The following SATL1 variants were observed in gnomAD, a reference collection of about 807,000 sequenced individuals.
SATL1 encodes spermidine/spermine N(1)-acetyltransferase-like protein 1.
In SATL1, 47 loss-of-function variants were observed where a neutral mutation model predicts 51.8. That is an observed-to-expected ratio of 0.91 (90% CI 0.72 to 1.16). SATL1 has a LOEUF of 1.16. Among genes scored for constraint, SATL1 ranks in the 50% most tolerant of loss-of-function variants. The pLI is 0.00. For missense variants in SATL1, 520 were observed against 526.4 expected, an observed-to-expected ratio of 0.99 and a Z score of 0.12; for synonymous variants, 176 against 182.4, an observed-to-expected ratio of 0.97 and a Z score of 0.28.
intron 2 of SATL1, among the ~76,000 whole-genome samples, chrX:85,131,037 T>C (rs774265416): frequency 2.9e-4 from 32 of 112,209 alleles, no homozygotes; most frequent in African/African-American, 9.4e-4. Context: ...CCTTTTCTTT[T>C]ACATTTGCTG....
At chrX:85,182,331 G>C (rs923627487) in intron 2 of SATL1, among the ~76,000 whole-genome samples, 1 of 111,320 alleles carries the variant, frequency 9.0e-6, no homozygotes. Context: ...ATATAAGTGA[G>C]AACATGCACT....
At chrX:85,115,069 A>AAT (rs1925351367) in intron 2 of SATL1, among the ~76,000 whole-genome samples, 1 of 111,870 alleles carries the variant, frequency 8.9e-6, no homozygotes, top group East Asian at 2.8e-4. Flanking sequence ...AATGGAGGCT[A>AAT]CAGGAGGAAG....
chrX:85,109,517 C>T (rs1925206999), intron 2 of SATL1, among the ~76,000 whole-genome samples: 1 of 111,101 alleles, frequency 9.0e-6, no homozygotes, highest in African/African-American at 3.3e-5. Flanking sequence ...AGTCTCAGAG[C>T]TTATGCTTGG....
At chrX:85,135,182 C>T (rs5923269) in intron 2 of SATL1, among the ~76,000 whole-genome samples, 50,779 of 108,832 alleles carry the variant, frequency 0.47, 10,495 homozygotes, top group Middle Eastern at 0.64. Context: ...CGGTGGGGGA[C>T]GGGGGTAGGG....
At position 85,206,935 on chromosome X, in the gene SATL1, T is replaced by A. The variant is rs1343867814; in HGVS notation, c.-313+17270A>T. 5.4e-5 allele frequency among the ~76,000 whole-genome samples: 6 copies of A among 111,389 alleles called. No homozygotes were observed. In the Admixed American group the frequency reaches 5.8e-4, roughly 11 times the overall value. ...GTTTATTCACAGCAGAGTGTATTAA[T>A]ACAGAGGCAGATAGGTTGGTAAATT... On this transcript the variant is annotated intron_variant, in intron 2 of 7. Coordinates refer to ENST00000644105, the MANE Select transcript of SATL1 (RefSeq NM_001367857.2).
intron 2 of SATL1, among the ~76,000 whole-genome samples, chrX:85,161,482 A>T (rs775775217): frequency 2.6e-4 from 26 of 101,511 alleles, no homozygotes; most frequent in Admixed American, 1.6e-3. Flanking sequence ...AAGCAAATAA[A>T]AAAAAAAAAA....
chrX:85,211,907 G>A (rs1289963612), intron 2 of SATL1: 1 of 111,588 alleles, frequency 9.0e-6, no homozygotes, highest in Non-Finnish European at 1.9e-5. Context: ...GATATTTAAA[G>A]ATTAGAATGT....
intron 2 of SATL1, among the ~76,000 whole-genome samples, chrX:85,134,407 CA>C (rs1354217415): frequency 6.3e-5 from 7 of 111,545 alleles, no homozygotes; most frequent in African/African-American, 2.3e-4. Context: ...ACCATTCATT[CA>C]AAAAATTTGA....
At chrX:85,114,085 A>G (rs2147696729) in intron 2 of SATL1, among the ~76,000 whole-genome samples, 1 of 112,153 alleles carries the variant, frequency 8.9e-6, no homozygotes, top group African/African-American at 3.2e-5. Context: ...AGTGGCTCTA[A>G]TTTTGTCCCA....
At chrX:85,096,678 A>G (rs764511202) in intron 4 of SATL1, among the ~76,000 whole-genome samples, 80 of 111,110 alleles carry the variant, frequency 7.2e-4, no homozygotes, top group African/African-American at 2.4e-3. Context: ...GGGATCCTCA[A>G]TTAGATTACC....
At chrX:85,202,867 G>C (rs1602909235) in intron 2 of SATL1, among the ~76,000 whole-genome samples, 2 of 111,560 alleles carry the variant, frequency 1.8e-5, no homozygotes, top group African/African-American at 6.5e-5. Flanking sequence ...TTAGTCCAAG[G>C]GTGGCAAGGG....
chrX:85,161,780 C>T (rs1336127801), intron 2 of SATL1, among the ~76,000 whole-genome samples: 3 of 111,192 alleles, frequency 2.7e-5, no homozygotes, highest in Non-Finnish European at 5.7e-5. Context: ...ATTGGATATT[C>T]AGGACCTGAA....
Position 85,108,388 on chromosome X carries a change from C to T in SATL1, c.581G>A (p.Trp194Ter), listed in dbSNP as rs778396506. ...RQPNMSPPGM[W>*]QPGVQQPGIS... ...GCCTGGTTGTTGCACGCCTGGTTGC[C>T]ACATGCCTGGTGGACTCATGTTTGG... is the stretch of plus-strand genomic sequence containing the variant. Residue 194 changes from tryptophan (W) to a stop codon, truncating the protein, a stop_gained, in exon 3 of 8, where the codon TGG becomes TAG. Transcript: ENST00000644105. LOFTEE classifies it high-confidence loss of function. 8.3e-7 allele frequency: 1 copy of T among 1,211,171 alleles called. No individual in the cohort carries two copies. The highest frequency in any genetic ancestry group is 3.0e-5 in the East Asian group (1 of 33,779).
intron 2 of SATL1, among the ~76,000 whole-genome samples, chrX:85,164,429 T>A (rs745621483): frequency 3.4e-4 from 38 of 112,008 alleles, no homozygotes; most frequent in Non-Finnish European, 5.1e-4. Context: ...TAGTGCTGGC[T>A]TGGTAGTGGT....
chrX:85,122,375 T>C (rs1178108579), intron 2 of SATL1, among the ~76,000 whole-genome samples: 1 of 111,487 alleles, frequency 9.0e-6, no homozygotes, highest in Non-Finnish European at 1.9e-5. Flanking sequence ...CTCCAGGTAT[T>C]CTGATTCAAT....
Position 85,108,313 on chromosome X carries a change from C to T in SATL1, c.656G>A (p.Ser219Asn). The change falls in exon 3 of 8, where the codon AGC becomes AAC. Residue 219 changes from serine to asparagine, a missense_variant. By Grantham distance (46) the Ser-to-Asn change is conservative. Coordinates refer to ENST00000644105, the MANE Select transcript of SATL1 (RefSeq NM_001367857.2). ...SHPDMSQPGM[S>N]QQVPSQPGIR... ...GCCTGGTTGGCTGGGGACTTGCTGG[C>T]TCATGCCTGGTTGACTCATGTCTGG... The T allele has an allele frequency of 1.7e-6, 2 of 1,211,431 alleles. No individual in the cohort carries two copies. Among genetic ancestry groups the T allele is most frequent in the African/African-American group, 3.5e-5 (2 of 57,663 alleles).
chrX:85,210,917 T>C (rs1202126981), intron 2 of SATL1: 1 of 111,568 alleles, frequency 9.0e-6, no homozygotes, highest in Non-Finnish European at 1.9e-5. Flanking sequence ...ACTGGGTCTG[T>C]CTTTTTTTTC....
intron 2 of SATL1, among the ~76,000 whole-genome samples, chrX:85,138,169 T>C (rs958118890): frequency 1.8e-5 from 2 of 112,792 alleles, no homozygotes; most frequent in East Asian, 5.5e-4. Flanking sequence ...GTGCTTTGTC[T>C]CTTCAGACTA....
chrX:85,170,894 A>G (rs185224097), intron 2 of SATL1, among the ~76,000 whole-genome samples: 2 of 111,681 alleles, frequency 1.8e-5, no homozygotes, highest in Non-Finnish European at 3.8e-5. Flanking sequence ...GGGACATACA[A>G]CAGAAATTAT....
Sources: allele counts gnomAD v4.1 joint callset (sites outside exome capture counted in the v4.1 genomes callset), GRCh38; gene constraint gnomAD v4.1.1; transcripts MANE v1.5; gene names NCBI Gene and HGNC (gene_info 2026-07-23, HGNC 2026-07-21).